The following FBXL17 variants were observed in gnomAD, a reference collection of about 807,000 sequenced individuals.
FBXL17 encodes F-box and leucine rich repeat protein 17.
FBXL17 carries 22 observed loss-of-function variants against 66.2 expected under a neutral mutation model. That is an observed-to-expected ratio of 0.33 (90% confidence interval 0.24 to 0.47). FBXL17 has a LOEUF of 0.47. Among genes scored for constraint, FBXL17 ranks in the 20% least tolerant of loss-of-function variants. The pLI, the probability that FBXL17 is intolerant of heterozygous loss-of-function variation, is 1.00. For synonymous variants in FBXL17, 474 were observed against 400.5 expected, an observed-to-expected ratio of 1.18 and a Z score of -2.19; for missense variants, 878 against 948.2, an observed-to-expected ratio of 0.93 and a Z score of 0.97.
intron 4 of FBXL17, among the ~76,000 whole-genome samples, chr5:108,314,289 A>T (rs191416336): frequency 8.6e-4 from 131 of 151,860 alleles, no homozygotes; most frequent in African/African-American, 3.0e-3. Context: ...GCTCTTAAAA[A>T]CAATCATGGT....
intron 6 of FBXL17, among the ~76,000 whole-genome samples, chr5:108,119,175 C>T (rs1296286707): frequency 6.6e-6 from 1 of 152,106 alleles, no homozygotes; most frequent in East Asian, 1.9e-4. Flanking sequence ...TTCCAATAGC[C>T]TCTTATTACT....
intron 7 of FBXL17, among the ~76,000 whole-genome samples, chr5:107,939,985 C>T (rs1017997483): frequency 2.7e-4 from 41 of 152,132 alleles, no homozygotes; most frequent in African/African-American, 9.7e-4. Context: ...AGAATAATAA[C>T]AGTGAGCATT....
intron 7 of FBXL17, 97 bp from the exon 8 acceptor site, chr5:107,881,276 C>A: frequency 1.3e-6 from 1 of 743,990 alleles, no homozygotes; most frequent in South Asian, 3.5e-5. Flanking sequence ...TAAATTTGTT[C>A]CTGAAATTTT....
intron 6 of FBXL17, among the ~76,000 whole-genome samples, chr5:108,052,112 CAA>C (rs144705189): frequency 3.2e-3 from 329 of 102,134 alleles, no homozygotes; most frequent in Middle Eastern, 0.015. Context: ...GACTTCGTCT[CAA>C]AAAAAAAAAA....
At chr5:107,990,614 C>T (rs1753202151) in intron 7 of FBXL17, among the ~76,000 whole-genome samples, 1 of 152,196 alleles carries the variant, frequency 6.6e-6, no homozygotes, top group Non-Finnish European at 1.5e-5. Context: ...AGCTGTGATA[C>T]TTGATTAAGT....
At chr5:107,993,634 A>G (rs1396750644) in intron 7 of FBXL17, among the ~76,000 whole-genome samples, 1 of 152,184 alleles carries the variant, frequency 6.6e-6, no homozygotes, top group Non-Finnish European at 1.5e-5. Context: ...TTCTCAAAAC[A>G]TTTAATCTAA....
intron 3 of FBXL17, among the ~76,000 whole-genome samples, chr5:108,353,191 A>C (rs922338911): frequency 4.6e-5 from 7 of 152,218 alleles, no homozygotes; most frequent in Non-Finnish European, 1.0e-4. Flanking sequence ...ACACTGAAAA[A>C]TTAACAATTC....
At chr5:107,879,627 CA>C in intron 8 of FBXL17, 1 of 985,432 alleles carries the variant, frequency 1.0e-6, no homozygotes, top group East Asian at 1.1e-4. Flanking sequence ...ACAAAGGACA[CA>C]AGAGCTTTGG....
chr5:108,132,697 T>G (rs189634337), intron 6 of FBXL17, among the ~76,000 whole-genome samples: 52 of 152,340 alleles, frequency 3.4e-4, no homozygotes, highest in African/African-American at 1.2e-3. Context: ...CACCTTTGCC[T>G]TCATTATTAC....
In FBXL17 at chr5:108,103,478, A is replaced by G. The variant is rs1341700637; in HGVS notation, c.1746-82477T>C. ...TTGGTCAGTGGATCCTATCGCTGCTATCGTCAATGTGAACCTTTAGTATAA... is the reference window on the plus strand; with the variant it reads ...TTGGTCAGTGGATCCTATCGCTGCTGTCGTCAATGTGAACCTTTAGTATAA... On this transcript the variant is annotated intron_variant, in intron 6 of 8. Coordinates refer to ENST00000542267, the MANE Select transcript of FBXL17 (RefSeq NM_001163315.3). Among the ~76,000 whole-genome samples the G allele has an allele frequency of 2.6e-5, 4 of 152,344 alleles. No individual in the cohort carries two copies. In the East Asian group the frequency reaches 7.7e-4, roughly 29 times the overall value.
At chr5:107,900,054 A>C (rs1356358989) in intron 7 of FBXL17, among the ~76,000 whole-genome samples, 1 of 152,160 alleles carries the variant, frequency 6.6e-6, no homozygotes, top group Non-Finnish European at 1.5e-5. Context: ...TTTTTTTCTG[A>C]TGTAACCAGC....
At chr5:108,061,116 G>A (rs372110013) in intron 6 of FBXL17, among the ~76,000 whole-genome samples, 23 of 151,706 alleles carry the variant, frequency 1.5e-4, no homozygotes, top group African/African-American at 4.6e-4. Flanking sequence ...GAGAAACCCC[G>A]TTTCTACTAA....
intron 8 of FBXL17, among the ~76,000 whole-genome samples, chr5:107,875,952 G>A (rs1748603498): frequency 6.6e-6 from 1 of 152,220 alleles, no homozygotes; most frequent in Non-Finnish European, 1.5e-5. Flanking sequence ...TTCTGGGCGG[G>A]CTCTTCACGC....
At chr5:108,113,129 C>A (rs1750104665) in intron 6 of FBXL17, among the ~76,000 whole-genome samples, 1 of 152,170 alleles carries the variant, frequency 6.6e-6, no homozygotes. Flanking sequence ...TACACCCAGA[C>A]CACTTTTATC....
chr5:107,896,138 G>T (rs960541099), intron 7 of FBXL17, among the ~76,000 whole-genome samples: 3 of 152,142 alleles, frequency 2.0e-5, no homozygotes, highest in African/African-American at 7.2e-5. Context: ...TGCTGGATGT[G>T]CCTTTCTGGA....
chr5:107,958,833 G>C (rs987568429), intron 7 of FBXL17, among the ~76,000 whole-genome samples: 2 of 152,130 alleles, frequency 1.3e-5, no homozygotes, highest in Non-Finnish European at 2.9e-5. Flanking sequence ...AAATTAAATG[G>C]AAAATAATCC....
At chr5:108,106,283 G>A (rs1580448772) in intron 6 of FBXL17, among the ~76,000 whole-genome samples, 1 of 152,316 alleles carries the variant, frequency 6.6e-6, no homozygotes, top group East Asian at 1.9e-4. Flanking sequence ...GCAAGAATGT[G>A]TAGAAATTAG....
At chr5:108,181,131 C>T (rs964947146) in intron 6 of FBXL17, among the ~76,000 whole-genome samples, 1 of 152,140 alleles carries the variant, frequency 6.6e-6, no homozygotes, top group Admixed American at 6.5e-5. Flanking sequence ...TCAGCTGTTA[C>T]ACCCAAAACA....
At chr5:108,237,658 G>T (rs1324468129) in intron 4 of FBXL17, among the ~76,000 whole-genome samples, 2 of 152,126 alleles carry the variant, frequency 1.3e-5, no homozygotes, top group African/African-American at 4.8e-5. Flanking sequence ...AGAGAAAGTT[G>T]TACTTCAAAG....
Sources: gnomAD v4.1 joint callset for allele counts (sites outside exome capture counted in the v4.1 genomes callset) on GRCh38, gnomAD v4.1.1 for gene constraint, MANE v1.5 for transcripts, NCBI Gene and HGNC (gene_info 2026-07-23, HGNC 2026-07-21) for gene names.